PTPRD: variants seen among roughly 807,000 people sequenced by gnomAD.
PTPRD encodes receptor-type tyrosine-protein phosphatase delta.
PTPRD carries 34 observed loss-of-function variants against 214.5 expected under a neutral mutation model. The observed-to-expected ratio is 0.16, with a 90% CI of 0.12 to 0.21. The LOEUF (loss-of-function observed/expected upper bound fraction) is 0.21, where lower values mean the gene tolerates loss of function less well. Ranked by LOEUF, PTPRD falls within the 10% of genes least tolerant of loss-of-function variation. The pLI is 1.00. For synonymous variants in PTPRD, 1,128 were observed against 845.7 expected, an observed-to-expected ratio of 1.33 and a Z score of -5.79; for missense variants, 2,545 against 2,398.7, an observed-to-expected ratio of 1.06 and a Z score of -1.27.
At chr9:8,977,731 C>G (rs2099276452) in intron 11 of PTPRD, among the ~76,000 whole-genome samples, 1 of 147,800 alleles carries the variant, frequency 6.8e-6, no homozygotes, top group African/African-American at 2.5e-5. Context: ...TGGTACACAA[C>G]TTAGAGATAG....
At chr9:9,280,280 C>G (rs1947204595) in intron 9 of PTPRD, among the ~76,000 whole-genome samples, 1 of 151,066 alleles carries the variant, frequency 6.6e-6, no homozygotes, top group South Asian at 2.1e-4. Flanking sequence ...ACCCAACAAG[C>G]TACATTCTGA....
chr9:9,267,964 G>A (rs553899038), intron 9 of PTPRD, among the ~76,000 whole-genome samples: 45 of 151,052 alleles, frequency 3.0e-4, no homozygotes, highest in African/African-American at 1.0e-3. Context: ...CTAAAATCAG[G>A]AACAAGACAA....
Position 10,235,003 on chromosome 9 carries a change from G to GATAT in PTPRD, c.-545+105956_-545+105959dup, listed in dbSNP as rs146414523. On this transcript the variant is annotated intron_variant, in intron 3 of 45. Coordinates refer to ENST00000381196, the MANE Select transcript of PTPRD (RefSeq NM_002839.4). The stretch of plus-strand genomic sequence containing the variant: ...TATTATGTGTGTGTTTATATATAAG[G>GATAT]ATATATATATATAAACACTTAGCCT... Among the ~76,000 whole-genome samples, 443 of 150,826 alleles carry GATAT rather than the reference G, an allele frequency of 2.9e-3. 6 individuals carry two copies. The highest frequency in any genetic ancestry group is 0.01 in the African/African-American group (418 of 41,212).
At position 10,209,995 on chromosome 9, in the gene PTPRD, T is replaced by A. The variant is rs186685713; in HGVS notation, c.-545+130968A>T. Among the ~76,000 whole-genome samples, 572 of 152,246 alleles carry A rather than the reference T, an allele frequency of 3.8e-3. 1 individual carries two copies. Among genetic ancestry groups the A allele is most frequent in the Non-Finnish European group, 5.6e-3 (383 of 68,010 alleles). ...ATCAATGTAACATTCAGATCTTCAGTTTATTATATTCTCTTCCTGTAAATT... is the reference window on the plus strand; with the variant it reads ...ATCAATGTAACATTCAGATCTTCAGATTATTATATTCTCTTCCTGTAAATT... On this transcript the variant is annotated intron_variant, in intron 3 of 45. Coordinates refer to ENST00000381196, the MANE Select transcript of PTPRD (RefSeq NM_002839.4).
Position 8,465,330 on chromosome 9 carries a change from C to A in PTPRD, c.3714+136G>T, listed in dbSNP as rs545524541. Reference sequence around the variant, plus strand: ...TATTGAGCAATGTTCAAAGAGTAGGCAGCCTGTTATTACACTTAATAACAG... The same window carrying A: ...TATTGAGCAATGTTCAAAGAGTAGGAAGCCTGTTATTACACTTAATAACAG... On this transcript the variant is annotated intron_variant, in intron 32 of 45. Coordinates refer to ENST00000381196, the MANE Select transcript of PTPRD (RefSeq NM_002839.4). The A allele has an allele frequency of 1.4e-3, 1,034 of 733,848 alleles. 6 individuals carry two copies. The highest frequency in any genetic ancestry group is 4.8e-3 in the Middle Eastern group (15 of 3,106). 45.5% of individuals were successfully genotyped at this position (733,848 alleles called of 1,614,324 possible). A position where few individuals can be genotyped will look rare whatever the true frequency, so the allele number is the denominator to read the frequency against.
chr9:8,648,459 A>C (rs888015024), intron 12 of PTPRD, among the ~76,000 whole-genome samples: 1 of 152,170 alleles, frequency 6.6e-6, no homozygotes, highest in Non-Finnish European at 1.5e-5. Flanking sequence ...CATAGACAAA[A>C]TCTGTGAAGT....
At chr9:8,877,498 A>T (rs1426259436) in intron 11 of PTPRD, among the ~76,000 whole-genome samples, 1 of 152,224 alleles carries the variant, frequency 6.6e-6, no homozygotes, top group Non-Finnish European at 1.5e-5. Context: ...TAACTTATTA[A>T]AAATAAATAG....
chr9:8,507,541 C>A, intron 21 of PTPRD, 107 bp from the exon 22 acceptor site: 1 of 1,364,912 alleles, frequency 7.3e-7, no homozygotes, highest in Middle Eastern at 1.9e-4. Flanking sequence ...TACACATGTA[C>A]CAGCTTAGTG....
chr9:9,815,318 C>G (rs1365755125), intron 5 of PTPRD, among the ~76,000 whole-genome samples: 1 of 151,816 alleles, frequency 6.6e-6, no homozygotes, highest in Non-Finnish European at 1.5e-5. Context: ...TATTCACAGA[C>G]AAAGGAATGA....
chr9:8,854,039 A>C (rs1312699248), intron 11 of PTPRD, among the ~76,000 whole-genome samples: 2 of 152,184 alleles, frequency 1.3e-5, no homozygotes, highest in Non-Finnish European at 2.9e-5. Flanking sequence ...AATTATATCT[A>C]TATTTAGCAC....
chr9:8,851,532 T>C (rs562635031), intron 11 of PTPRD, among the ~76,000 whole-genome samples: 14 of 152,254 alleles, frequency 9.2e-5, no homozygotes, highest in African/African-American at 3.4e-4. Flanking sequence ...ACACAAAACA[T>C]CCGTATCCAA....
At chr9:8,358,981 G>A (rs575225136) in intron 39 of PTPRD, among the ~76,000 whole-genome samples, 125 of 149,466 alleles carry the variant, frequency 8.4e-4, no homozygotes, top group South Asian at 2.4e-3. Context: ...GGTGGCGGGC[G>A]CCTGTAGTCC....
At chr9:8,672,300 G>A (rs1049228428) in intron 12 of PTPRD, among the ~76,000 whole-genome samples, 21 of 152,090 alleles carry the variant, frequency 1.4e-4, no homozygotes, top group Admixed American at 1.3e-3. Context: ...TTATGCAAAT[G>A]GGTTTTCATC....
intron 7 of PTPRD, among the ~76,000 whole-genome samples, chr9:9,626,716 G>A (rs553165557): frequency 2.0e-5 from 3 of 152,280 alleles, no homozygotes; most frequent in African/African-American, 7.2e-5. Context: ...TCTCTCTGAG[G>A]TAGGGTTAGG....
intron 35 of PTPRD, among the ~76,000 whole-genome samples, chr9:8,434,313 C>T (rs1020265892): frequency 6.6e-6 from 1 of 152,106 alleles, no homozygotes; most frequent in South Asian, 2.1e-4. Flanking sequence ...TTTTACCTTA[C>T]CTTTTCTTTG....
chr9:8,399,858 A>C (rs899392655), intron 36 of PTPRD, among the ~76,000 whole-genome samples: 1 of 152,152 alleles, frequency 6.6e-6, no homozygotes, highest in African/African-American at 2.4e-5. Flanking sequence ...AGTATTTTGA[A>C]TTTGTCACTT....
chr9:9,057,582 CAGAG>C lies in PTPRD; in HGVS notation c.-142-38851_-142-38848del, dbSNP rs565383455. On this transcript the variant is annotated intron_variant, in intron 10 of 45. Coordinates refer to ENST00000381196, the MANE Select transcript of PTPRD (RefSeq NM_002839.4). ...GTTAAATGATGAATGAAAAAGGATTCAGAGAGAAAGTTGATGGGTAGATCTGACA... is the reference window on the plus strand; with the variant it reads ...GTTAAATGATGAATGAAAAAGGATTCAGAAAGTTGATGGGTAGATCTGACA... Among the ~76,000 whole-genome samples, 1,389 of 152,146 alleles carry C rather than the reference CAGAG, an allele frequency of 9.1e-3. 14 individuals are homozygous for C. Among genetic ancestry groups the C allele is most frequent in the Non-Finnish European group, 0.015 (1,042 of 67,992 alleles).
intron 3 of PTPRD, among the ~76,000 whole-genome samples, chr9:10,139,426 C>G (rs779805238): frequency 6.6e-6 from 1 of 151,624 alleles, no homozygotes; most frequent in Non-Finnish European, 1.5e-5. Flanking sequence ...ATAGAAAAAT[C>G]AATATTAAAA....
intron 7 of PTPRD, among the ~76,000 whole-genome samples, chr9:9,642,362 A>T (rs558378043): frequency 8.2e-4 from 124 of 151,358 alleles, no homozygotes; most frequent in African/African-American, 2.8e-3. Context: ...ACATGTATAC[A>T]TATGTAACTA....
Sources: allele counts gnomAD v4.1 joint callset (sites outside exome capture counted in the v4.1 genomes callset), GRCh38; gene constraint gnomAD v4.1.1; transcripts MANE v1.5; gene names NCBI Gene and HGNC (gene_info 2026-07-23, HGNC 2026-07-21).